Variants in RPS6KA2 observed in about 807,000 individuals in gnomAD.
The protein encoded by RPS6KA2 is ribosomal protein S6 kinase alpha-2.
In RPS6KA2, 42 loss-of-function variants were observed where a neutral mutation model predicts 91.8. The observed-to-expected ratio is 0.46, with a 90% CI of 0.36 to 0.59. The LOEUF is 0.59. RPS6KA2 is among the 20% of genes least tolerant of loss of function. RPS6KA2 has a pLI of 0.00. For synonymous variants in RPS6KA2, 414 were observed against 393.6 expected, an observed-to-expected ratio of 1.05 and a Z score of -0.61; for missense variants, 798 against 978.5, an observed-to-expected ratio of 0.82 and a Z score of 2.46.
intron 2 of RPS6KA2, among the ~76,000 whole-genome samples, chr6:166,796,899 C>G (rs920212334): frequency 5.9e-5 from 9 of 152,236 alleles, no homozygotes; most frequent in African/African-American, 1.7e-4. Context: ...TTACACAACT[C>G]TTTTCTCCCG....
At chr6:166,551,807 C>T (rs575815720) in intron 1 of RPS6KA2, among the ~76,000 whole-genome samples, 1 of 152,310 alleles carries the variant, frequency 6.6e-6, no homozygotes, top group African/African-American at 2.4e-5. Flanking sequence ...GGACTTGGCA[C>T]AGAACAATAA....
intron 1 of RPS6KA2, among the ~76,000 whole-genome samples, chr6:166,575,655 C>T (rs1412277720): frequency 6.6e-6 from 1 of 152,106 alleles, no homozygotes; most frequent in East Asian, 1.9e-4. Flanking sequence ...CGTTTTACCT[C>T]AGGAGAGTTA....
At chr6:166,638,346 G>A (rs1418919926) in intron 2 of RPS6KA2, among the ~76,000 whole-genome samples, 2 of 152,216 alleles carry the variant, frequency 1.3e-5, no homozygotes, top group African/African-American at 2.4e-5. Flanking sequence ...GGAGAGAGCA[G>A]TGAATGTCAG....
At position 166,661,709 on chromosome 6, in the gene RPS6KA2, G is replaced by A. The variant is rs560712773; in HGVS notation, c.124-122925C>T. Among the ~76,000 whole-genome samples the A allele has an allele frequency of 5.9e-5, 9 of 151,964 alleles. No individual in the cohort carries two copies. The East Asian group carries it at 1.2e-3, about 20-fold the overall frequency. ...TTTCAATATTTTAGTAAGTCAAATC[G>A]AATAGCTTCTTTTTTTGTGAGATTT... On this transcript the variant is annotated intron_variant, in intron 2 of 21. Coordinates refer to the RPS6KA2 transcript ENST00000503859.
At chr6:166,720,081 C>T (rs1401132990) in intron 2 of RPS6KA2, among the ~76,000 whole-genome samples, 1 of 152,202 alleles carries the variant, frequency 6.6e-6, no homozygotes, top group Non-Finnish European at 1.5e-5. Flanking sequence ...ATTAATAAGA[C>T]TTTCACTTAT....
At position 166,849,569 on chromosome 6, in the gene RPS6KA2, A is replaced by G. The variant is rs574112784; in HGVS notation, c.123+8631T>C. On this transcript the variant is annotated intron_variant, in intron 2 of 21. Coordinates refer to the RPS6KA2 transcript ENST00000503859. This position sits in a 1 kb window ranked among gnomAD's most constrained non-coding sequence, Gnocchi z 4.9. ...AGCTGACAGTGGAGGACCCCAGGCC[A>G]CCCCCGCCCGTGGAAATCCATGAGA... Among the ~76,000 whole-genome samples, 1 of 151,960 alleles carries G rather than the reference A, an allele frequency of 6.6e-6. No individual in the cohort carries two copies. Among genetic ancestry groups the G allele is most frequent in the African/African-American group, 2.4e-5 (1 of 41,374 alleles).
chr6:166,687,374 G>A (rs1789056177), intron 2 of RPS6KA2, among the ~76,000 whole-genome samples: 2 of 152,214 alleles, frequency 1.3e-5, no homozygotes, highest in African/African-American at 4.8e-5. Flanking sequence ...ATTACTGAGT[G>A]TCCATGGTGC....
chr6:166,510,653 T>G (rs1404703692), intron 3 of RPS6KA2, among the ~76,000 whole-genome samples: 1 of 131,088 alleles, frequency 7.6e-6, no homozygotes, highest in Non-Finnish European at 1.6e-5. Flanking sequence ...CACGACATGT[T>G]ACTCTGAGGT....
At chr6:166,600,632 T>C (rs1483191283) in intron 1 of RPS6KA2, among the ~76,000 whole-genome samples, 1 of 152,158 alleles carries the variant, frequency 6.6e-6, no homozygotes, top group Non-Finnish European at 1.5e-5. Flanking sequence ...TAAAAACTGG[T>C]TGCATAAACA....
chr6:166,412,285 C>G lies in RPS6KA2; in HGVS notation c.*477G>C, dbSNP rs1012638289. On this transcript the variant is annotated 3_prime_UTR_variant, in exon 21 of 21. Transcript: ENST00000265678. The surrounding 1 kb of genome is among the most constrained non-coding windows in gnomAD (Gnocchi z 4.3). ...ACCCCGTCATCCAGCCCGTGGGGAG[C>G]CCCGGGATGCCAGGTCACCCCAGCC... 6.5e-6 allele frequency: 1 copy of G among 153,230 alleles called. No individual in the cohort carries two copies. The highest frequency in any genetic ancestry group is 1.5e-5 in the Non-Finnish European group (1 of 68,524). 9.5% of individuals were successfully genotyped at this position (153,230 alleles called of 1,614,324 possible).
At chr6:166,607,487 C>A (rs1459073187) in intron 1 of RPS6KA2, among the ~76,000 whole-genome samples, 1 of 152,128 alleles carries the variant, frequency 6.6e-6, no homozygotes, top group Non-Finnish European at 1.5e-5. Context: ...ACGAACGAAC[C>A]TTGAATACAT....
chr6:166,421,960 C>T (rs1157810839), intron 17 of RPS6KA2, among the ~76,000 whole-genome samples: 1 of 152,050 alleles, frequency 6.6e-6, no homozygotes, highest in Non-Finnish European at 1.5e-5. Context: ...AGTGCAGTGG[C>T]GTGATCTCGG....
At position 166,662,949 on chromosome 6, in the gene RPS6KA2, C is replaced by G. The variant is rs1788203340; in HGVS notation, c.124-124165G>C. On this transcript the variant is annotated intron_variant, in intron 2 of 21. Transcript: ENST00000503859. The surrounding 1 kb of genome is among the most constrained non-coding windows in gnomAD (Gnocchi z 4.3). ...GTATGGAGGAACGGCCACGCGAGGA[C>G]AGGGAGGAGGCGCCATCTGCAAGCA... Among the ~76,000 whole-genome samples the G allele has an allele frequency of 6.6e-6, 1 of 152,064 alleles. No individual in the cohort carries two copies. Among genetic ancestry groups the G allele is most frequent in the Admixed American group, 6.6e-5 (1 of 15,264 alleles).
chr6:166,585,498 C>CTTTT (rs58153048), intron 1 of RPS6KA2, among the ~76,000 whole-genome samples: 31 of 86,278 alleles, frequency 3.6e-4, no homozygotes, highest in African/African-American at 1.5e-3. Context: ...TCAAACAAGT[C>CTTTT]TTTTTTTTTT....
intron 2 of RPS6KA2, among the ~76,000 whole-genome samples, chr6:166,710,108 C>G (rs58259115): frequency 0.016 from 2,427 of 152,096 alleles, 67 homozygotes; most frequent in African/African-American, 0.056. Context: ...GTCTTTTTTC[C>G]CTATCCTTAC....
chr6:166,692,066 G>A (rs1424020989), intron 2 of RPS6KA2, among the ~76,000 whole-genome samples: 1 of 152,140 alleles, frequency 6.6e-6, no homozygotes, highest in Non-Finnish European at 1.5e-5. Context: ...AAGAACTGCA[G>A]ATTCACAAGC....
intron 2 of RPS6KA2, among the ~76,000 whole-genome samples, chr6:166,782,990 G>A (rs1405528079): frequency 1.3e-5 from 2 of 151,940 alleles, no homozygotes; most frequent in East Asian, 1.9e-4. Flanking sequence ...TGGCTGTGCT[G>A]TGGTGCCCAG....
At chr6:166,599,798 C>A (rs185045914) in intron 1 of RPS6KA2, among the ~76,000 whole-genome samples, 1 of 152,330 alleles carries the variant, frequency 6.6e-6, no homozygotes, top group African/African-American at 2.4e-5. Context: ...GGAGAAACGA[C>A]ACAGGCTTCT....
At chr6:166,642,504 G>A (rs562290791) in intron 2 of RPS6KA2, among the ~76,000 whole-genome samples, 1 of 152,314 alleles carries the variant, frequency 6.6e-6, no homozygotes, top group African/African-American at 2.4e-5. Flanking sequence ...TAGCATATAC[G>A]GGACAGTGAT....
Sources: gnomAD v4.1 joint callset for allele counts (sites outside exome capture counted in the v4.1 genomes callset) on GRCh38, gnomAD v4.1.1 for gene constraint, Gnocchi (gnomAD v3.1) non-coding constraint, MANE v1.5 for transcripts, NCBI Gene and HGNC (gene_info 2026-07-23, HGNC 2026-07-21) for gene names.